CAMTA1: variants seen among roughly 807,000 people sequenced by gnomAD.
CAMTA1 encodes calmodulin binding transcription activator 1, also known as calmodulin-binding transcription activator 1.
Under a neutral mutation model 170.9 loss-of-function variants are expected in CAMTA1, and 27 were observed. The observed-to-expected ratio is 0.16, with a 90% CI of 0.12 to 0.22. CAMTA1 has a LOEUF of 0.22. Ranked by LOEUF, CAMTA1 falls within the 10% of genes least tolerant of loss-of-function variation. The pLI is 1.00. For missense variants in CAMTA1, 1,619 were observed against 2,217.2 expected (o/e 0.73, Z 5.42); for synonymous variants, 833 against 891.5 (o/e 0.93, Z 1.17).
intron 4 of CAMTA1, among the ~76,000 whole-genome samples, chr1:7,213,753 C>G (rs186321843): frequency 2.0e-5 from 3 of 151,968 alleles, no homozygotes; most frequent in African/African-American, 7.2e-5. Context: ...TGCTATCCCT[C>G]CCCCCTCCGC....
chr1:7,559,122 G>A (rs1477288155), intron 6 of CAMTA1, among the ~76,000 whole-genome samples: 2 of 152,198 alleles, frequency 1.3e-5, no homozygotes, highest in African/African-American at 4.8e-5. Flanking sequence ...GGCGGCAGCT[G>A]GCACCGGTGG....
chr1:7,374,921 A>G (rs533818262), intron 5 of CAMTA1, among the ~76,000 whole-genome samples: 2 of 152,332 alleles, frequency 1.3e-5, no homozygotes, highest in African/African-American at 4.8e-5. Flanking sequence ...AGAGCTGCCC[A>G]TATAGCCTTC....
chr1:7,380,236 T>C (rs1445257762), intron 5 of CAMTA1, among the ~76,000 whole-genome samples: 4 of 152,156 alleles, frequency 2.6e-5, no homozygotes, highest in Admixed American at 6.5e-5. Context: ...AAAGTGACTG[T>C]CCATTTGCCC....
rs1480239714 is a variant in CAMTA1, at chr1:7,224,514, A to G, written c.303-24977A>G. Among the ~76,000 whole-genome samples, 1 of 152,192 alleles carries G rather than the reference A, an allele frequency of 6.6e-6. No homozygotes were observed. The highest frequency in any genetic ancestry group is 1.5e-5 in the Non-Finnish European group (1 of 68,032). ...AAACTATTTTCCACTTGCTAAAATT[A>G]AGGTTATTATTATTATTTTTCAGGA... On this transcript the variant is annotated intron_variant, in intron 4 of 22. Transcript: ENST00000303635. The surrounding 1 kb of genome is among the most constrained non-coding windows in gnomAD (Gnocchi z 5.2).
intron 6 of CAMTA1, among the ~76,000 whole-genome samples, chr1:7,567,304 C>T (rs977270025): frequency 3.3e-5 from 5 of 152,186 alleles, no homozygotes; most frequent in Non-Finnish European, 7.4e-5. Context: ...CCAGGGCAGG[C>T]AGGACTGCTC....
At chr1:7,432,639 G>A (rs777181488) in intron 5 of CAMTA1, among the ~76,000 whole-genome samples, 2 of 152,176 alleles carry the variant, frequency 1.3e-5, no homozygotes, top group African/African-American at 4.8e-5. Context: ...GCCCACCTCT[G>A]GTGCTGGGGT....
intron 4 of CAMTA1, among the ~76,000 whole-genome samples, chr1:7,117,680 C>T (rs540298325): frequency 6.6e-6 from 1 of 152,306 alleles, no homozygotes; most frequent in African/African-American, 2.4e-5. Flanking sequence ...AGGACGGCCT[C>T]TGGCGCTGGC....
rs1446031596 is a variant in CAMTA1, at chr1:7,592,292, C to G, written c.511-48108C>G. Among the ~76,000 whole-genome samples, 1 of 152,172 alleles carries G rather than the reference C, an allele frequency of 6.6e-6. No individual in the cohort carries two copies. The highest frequency in any genetic ancestry group is 1.5e-5 in the Non-Finnish European group (1 of 68,032). On this transcript the variant is annotated intron_variant, in intron 6 of 22. Transcript: ENST00000303635. The surrounding 1 kb of genome is among the most constrained non-coding windows in gnomAD (Gnocchi z 4.6). ...CTGTCCTTGCCATCACTGTCCTTCCCCTTTGTGCTAGCTCACCGGACTGGC... is the reference window on the plus strand; with the variant it reads ...CTGTCCTTGCCATCACTGTCCTTCCGCTTTGTGCTAGCTCACCGGACTGGC...
intron 4 of CAMTA1, among the ~76,000 whole-genome samples, chr1:7,211,040 C>T (rs770027337): frequency 1.3e-5 from 2 of 152,278 alleles, no homozygotes; most frequent in Admixed American, 6.5e-5. Flanking sequence ...TCAGTGAACA[C>T]TCATGTACCT....
At chr1:6,904,394 G>A (rs1389047504) in intron 3 of CAMTA1, among the ~76,000 whole-genome samples, 1 of 152,130 alleles carries the variant, frequency 6.6e-6, no homozygotes, top group Non-Finnish European at 1.5e-5. Flanking sequence ...CCTCTGAGAT[G>A]GCTCTCCTGA....
chr1:7,476,771 A>G (rs894470768), intron 6 of CAMTA1, among the ~76,000 whole-genome samples: 10 of 152,268 alleles, frequency 6.6e-5, no homozygotes, highest in African/African-American at 2.4e-4. Context: ...CAAGCTCCCC[A>G]CAGCTGACAG....
chr1:7,672,099 AG>A (rs2096065271), intron 10 of CAMTA1: 1 of 455,646 alleles, frequency 2.2e-6, no homozygotes, highest in African/African-American at 2.0e-5. Flanking sequence ...CATAAACAGG[AG>A]GGGGGTAAGG....
rs965847531 is a variant in CAMTA1 at position 7,146,635 on chromosome 1, G to T, written c.302+55264G>T. Among the ~76,000 whole-genome samples the T allele has an allele frequency of 1.3e-5, 2 of 152,060 alleles. No homozygotes were observed. The highest frequency in any genetic ancestry group is 2.9e-5 in the Non-Finnish European group (2 of 68,018). On this transcript the variant is annotated intron_variant, in intron 4 of 22. Transcript: ENST00000303635. The surrounding 1 kb of genome is among the most constrained non-coding windows in gnomAD (Gnocchi z 4.3). Reference sequence around the variant, plus strand: ...TTGCCAGGACCTGTCCCCTGGGGCTGGGTCCTCACTGCTTCCCTGGGACCG... The same window carrying T: ...TTGCCAGGACCTGTCCCCTGGGGCTTGGTCCTCACTGCTTCCCTGGGACCG...
At chr1:7,530,584 C>T (rs765123236) in intron 6 of CAMTA1, among the ~76,000 whole-genome samples, 5 of 152,020 alleles carry the variant, frequency 3.3e-5, no homozygotes, top group Admixed American at 1.3e-4. Context: ...GGAAGCTGCC[C>T]GAGGCTGCAC....
chr1:7,423,110 G>A (rs1285133546), intron 5 of CAMTA1, among the ~76,000 whole-genome samples: 1 of 152,204 alleles, frequency 6.6e-6, no homozygotes, highest in Non-Finnish European at 1.5e-5. Context: ...GAGCCCCAGG[G>A]CGAGGCAGCC....
At chr1:7,222,503 C>G (rs1660973400) in intron 4 of CAMTA1, among the ~76,000 whole-genome samples, 1 of 152,172 alleles carries the variant, frequency 6.6e-6, no homozygotes, top group Non-Finnish European at 1.5e-5. Flanking sequence ...CTCCCTGGCT[C>G]TACATCACCC....
Position 7,732,616 on chromosome 1 carries a change from A to G in CAMTA1, c.3066+17A>G. 1 of 1,572,970 alleles carries G rather than the reference A, an allele frequency of 6.4e-7. No homozygotes were observed. The highest frequency in any genetic ancestry group is 1.2e-5 in the South Asian group (1 of 85,636). On this transcript the variant is annotated intron_variant, in intron 12 of 22. Transcript: ENST00000303635. The surrounding 1 kb of genome is among the most constrained non-coding windows in gnomAD (Gnocchi z 4.1). ...CAGGCACAGGTACGAGGCGGTGCTG[A>G]TGCTCAGCTCCCATTTCGCTTCATG...
chr1:7,152,050 C>A (rs1272122643), intron 4 of CAMTA1, among the ~76,000 whole-genome samples: 1 of 152,178 alleles, frequency 6.6e-6, no homozygotes, highest in Non-Finnish European at 1.5e-5. Flanking sequence ...AGTTTTAATA[C>A]TGCCCGGTTG....
intron 6 of CAMTA1, among the ~76,000 whole-genome samples, chr1:7,545,942 G>GTTTTC (rs1264459260): frequency 2.7e-5 from 4 of 148,638 alleles, no homozygotes; most frequent in African/African-American, 5.0e-5. Flanking sequence ...GTGGTGTTTG[G>GTTTTC]TTTTCTTTTC....
Sources: allele counts gnomAD v4.1 joint callset (sites outside exome capture counted in the v4.1 genomes callset), GRCh38; gene constraint gnomAD v4.1.1; non-coding constraint Gnocchi (gnomAD v3.1); transcripts MANE v1.5; gene names NCBI Gene and HGNC (gene_info 2026-07-23, HGNC 2026-07-21).